TCF7L1: variants seen among roughly 807,000 people sequenced by gnomAD.
TCF7L1 encodes transcription factor 7 like 1.
A neutral mutation model predicts 63.7 loss-of-function variants in TCF7L1; 18 were observed. The observed-to-expected ratio is 0.28, with a 90% CI of 0.20 to 0.42. The LOEUF is 0.42. Ranked by LOEUF, TCF7L1 falls within the 10% of genes least tolerant of loss-of-function variation. TCF7L1 has a pLI of 1.00. For missense variants in TCF7L1, 654 were observed against 779.3 expected, an observed-to-expected ratio of 0.84 and a Z score of 1.91; for synonymous variants, 355 against 340.9, an observed-to-expected ratio of 1.04 and a Z score of -0.46.
intron 3 of TCF7L1, among the ~76,000 whole-genome samples, chr2:85,217,678 C>G (rs766669172): frequency 3.3e-5 from 5 of 152,206 alleles, no homozygotes; most frequent in Admixed American, 6.5e-5. Context: ...ACTCCCTCCC[C>G]CAATACCCTG....
chr2:85,287,137 C>T (rs1426736087), intron 4 of TCF7L1, among the ~76,000 whole-genome samples: 2 of 152,212 alleles, frequency 1.3e-5, no homozygotes, highest in African/African-American at 4.8e-5. Context: ...TCCACTGCAG[C>T]CCGGCTTAGC....
intron 3 of TCF7L1, among the ~76,000 whole-genome samples, chr2:85,220,643 C>T (rs1163508104): frequency 6.6e-6 from 1 of 152,164 alleles, no homozygotes; most frequent in African/African-American, 2.4e-5. Flanking sequence ...GGATTACAGG[C>T]ATGAGCCACT....
chr2:85,153,926 T>G (rs1305741987), intron 3 of TCF7L1, among the ~76,000 whole-genome samples: 1 of 152,248 alleles, frequency 6.6e-6, no homozygotes, highest in Non-Finnish European at 1.5e-5. Flanking sequence ...CATTTTAGGT[T>G]AACAAGGGAA....
chr2:85,283,690 A>C, intron 4 of TCF7L1, 112 bp downstream of exon 4: 1 of 1,164,892 alleles, frequency 8.6e-7, no homozygotes, highest in Non-Finnish European at 1.3e-6. Flanking sequence ...TGTTTCCTCA[A>C]ATGTGTGAGT....
intron 3 of TCF7L1, among the ~76,000 whole-genome samples, chr2:85,234,851 G>C (rs1680160392): frequency 6.6e-6 from 1 of 152,196 alleles, no homozygotes; most frequent in South Asian, 2.1e-4. Flanking sequence ...AAGGTGAAAG[G>C]GTGGCTTGGA....
intron 5 of TCF7L1, chr2:85,303,651 A>G (rs1259839053): frequency 5.1e-6 from 2 of 389,742 alleles, no homozygotes; most frequent in Non-Finnish European, 9.1e-6. Flanking sequence ...GCTGGAAGAT[A>G]CTCTTCACAG....
At chr2:85,147,093 C>T (rs1359231720) in intron 3 of TCF7L1, among the ~76,000 whole-genome samples, 1 of 152,020 alleles carries the variant, frequency 6.6e-6, no homozygotes, top group African/African-American at 2.4e-5. Context: ...ATCTATTCAC[C>T]CAACTTCTCT....
intron 3 of TCF7L1, among the ~76,000 whole-genome samples, chr2:85,199,814 A>G (rs1679233600): frequency 1.3e-5 from 2 of 152,162 alleles, no homozygotes; most frequent in African/African-American, 4.8e-5. Flanking sequence ...TCATCCTCTT[A>G]TTAAAGTATG....
chr2:85,240,106 G>T (rs375110586), intron 3 of TCF7L1, among the ~76,000 whole-genome samples: 7 of 152,238 alleles, frequency 4.6e-5, no homozygotes, highest in African/African-American at 1.7e-4. Context: ...TTCTTTTCTC[G>T]TACTGAGTGT....
chr2:85,170,524 T>C (rs1165398800), intron 3 of TCF7L1, among the ~76,000 whole-genome samples: 1 of 152,190 alleles, frequency 6.6e-6, no homozygotes, highest in Non-Finnish European at 1.5e-5. Flanking sequence ...TCAGTAGCTC[T>C]TCCTTGGTTC....
At chr2:85,255,074 A>C (rs978597394) in intron 3 of TCF7L1, among the ~76,000 whole-genome samples, 1 of 152,136 alleles carries the variant, frequency 6.6e-6, no homozygotes, top group African/African-American at 2.4e-5. Context: ...CGCCCTTCTG[A>C]TGATGCGCCC....
chr2:85,297,949 A>G (rs1013806358), intron 4 of TCF7L1, among the ~76,000 whole-genome samples: 15 of 151,204 alleles, frequency 9.9e-5, no homozygotes, highest in Non-Finnish European at 2.9e-5. Context: ...TTTATCTAAT[A>G]TTTTTTATTT....
intron 3 of TCF7L1, among the ~76,000 whole-genome samples, chr2:85,196,451 C>T (rs557602248): frequency 6.4e-4 from 97 of 152,252 alleles, no homozygotes; most frequent in African/African-American, 2.1e-3. Context: ...ATTCTCAGCC[C>T]AGCAGCACAT....
At chr2:85,250,593 C>T (rs551689352) in intron 3 of TCF7L1, among the ~76,000 whole-genome samples, 3 of 152,204 alleles carry the variant, frequency 2.0e-5, no homozygotes, top group Non-Finnish European at 2.9e-5. Context: ...CCGGCCACCA[C>T]GCCTGGCTGA....
At chr2:85,152,933 A>G (rs949725946) in intron 3 of TCF7L1, among the ~76,000 whole-genome samples, 10 of 152,240 alleles carry the variant, frequency 6.6e-5, no homozygotes, top group African/African-American at 2.4e-4. Context: ...TAAGGGTCAC[A>G]AGGAGATTTT....
chr2:85,162,296 C>T (rs2104222132), intron 3 of TCF7L1, among the ~76,000 whole-genome samples: 1 of 152,200 alleles, frequency 6.6e-6, no homozygotes, highest in East Asian at 1.9e-4. Flanking sequence ...CTTCTGTGCC[C>T]AGAATCTCTG....
intron 3 of TCF7L1, among the ~76,000 whole-genome samples, chr2:85,139,018 T>G (rs1053955683): frequency 6.6e-6 from 1 of 152,174 alleles, no homozygotes; most frequent in African/African-American, 2.4e-5. Flanking sequence ...TTTCTTTTCT[T>G]TCTTTTTTTA....
At chr2:85,227,789 G>A (rs1679990655) in intron 3 of TCF7L1, among the ~76,000 whole-genome samples, 1 of 151,898 alleles carries the variant, frequency 6.6e-6, no homozygotes, top group African/African-American at 2.4e-5. Flanking sequence ...GAGGCTAGGA[G>A]TTCAAGACCA....
At chr2:85,211,808 G>A (rs773792571) in intron 3 of TCF7L1, among the ~76,000 whole-genome samples, 4 of 152,110 alleles carry the variant, frequency 2.6e-5, no homozygotes, top group African/African-American at 4.8e-5. Context: ...CCAGACTTTC[G>A]GCCAGGAATG....
Sources: allele counts gnomAD v4.1 joint callset (sites outside exome capture counted in the v4.1 genomes callset), GRCh38; gene constraint gnomAD v4.1.1; transcripts MANE v1.5; gene names NCBI Gene and HGNC (gene_info 2026-07-23, HGNC 2026-07-21).